The following MAGI3 variants were observed in gnomAD, a reference collection of about 807,000 sequenced individuals.
The protein encoded by MAGI3 is membrane associated guanylate kinase, WW and PDZ domain containing 3, also known as membrane-associated guanylate kinase, WW and PDZ domain-containing protein 3.
MAGI3 carries 43 observed loss-of-function variants against 121.8 expected under a neutral mutation model. That is an observed-to-expected ratio of 0.35 (90% CI 0.28 to 0.46). MAGI3 has a LOEUF of 0.46. MAGI3 is among the 20% of genes least tolerant of loss of function. MAGI3 has a pLI of 1.00. For missense variants in MAGI3, 1,547 were observed against 1,797.3 expected (o/e 0.86, Z 2.52); for synonymous variants, 553 against 639.3 (o/e 0.86, Z 2.04).
intron 10 of MAGI3, 117 bp from the exon 11 acceptor site, chr1:113,643,626 A>T: frequency 1.1e-6 from 1 of 892,872 alleles, no homozygotes; most frequent in Non-Finnish European, 1.9e-6. Context: ...AGGAGGTTAG[A>T]CACAGAATTT....
chr1:113,606,870 A>G (rs1341020342), intron 6 of MAGI3, among the ~76,000 whole-genome samples: 1 of 152,132 alleles, frequency 6.6e-6, no homozygotes, highest in Non-Finnish European at 1.5e-5. Context: ...TTATTATGCA[A>G]AAGTTTCAAC....
chr1:113,401,824 A>G (rs1651421809), intron 1 of MAGI3, among the ~76,000 whole-genome samples: 1 of 152,174 alleles, frequency 6.6e-6, no homozygotes, highest in African/African-American at 2.4e-5. Flanking sequence ...AGAATAACTC[A>G]TTGCATTTAA....
At chr1:113,629,753 TCTCTCTCTCCCTCC>T (rs1369610782) in intron 9 of MAGI3, among the ~76,000 whole-genome samples, 3 of 117,324 alleles carry the variant, frequency 2.6e-5, no homozygotes, top group African/African-American at 3.6e-5. Flanking sequence ...TCTCTCTCTC[TCTCTCTCTCCCTCC>T]CTCCCTCCCT....
chr1:113,516,166 T>G (rs1033474520), intron 1 of MAGI3, among the ~76,000 whole-genome samples: 3 of 151,882 alleles, frequency 2.0e-5, no homozygotes, highest in African/African-American at 7.2e-5. Context: ...GTACATAGAT[T>G]AATAGACACA....
intron 16 of MAGI3, among the ~76,000 whole-genome samples, chr1:113,661,765 T>C (rs143749559): frequency 0.019 from 2,911 of 152,314 alleles, 57 homozygotes; most frequent in Non-Finnish European, 0.028. Context: ...CTAGAAGATA[T>C]ATACTTAAAG....
chr1:113,408,814 C>T (rs1651822109), intron 1 of MAGI3, among the ~76,000 whole-genome samples: 1 of 152,092 alleles, frequency 6.6e-6, no homozygotes. Flanking sequence ...GTATTTGTTA[C>T]ACATCTTCAA....
intron 1 of MAGI3, among the ~76,000 whole-genome samples, chr1:113,530,542 C>T (rs1024602388): frequency 1.3e-5 from 2 of 151,976 alleles, no homozygotes; most frequent in East Asian, 3.9e-4. Flanking sequence ...ACACCAAGCC[C>T]CCATGACACG....
In MAGI3 at chr1:113,659,106, A is replaced by G; in HGVS notation, c.2656A>G (p.Ile886Val). 6.2e-6 allele frequency: 10 copies of G among 1,613,094 alleles called. No individual in the cohort carries two copies. Among genetic ancestry groups the G allele is most frequent in the Non-Finnish European group, 7.6e-6 (9 of 1,179,610 alleles). The change falls in exon 16 of 21, where the codon ATA becomes GTA. Residue 886 changes from isoleucine (I) to valine (V), a missense_variant. Physicochemically the swap from Ile to Val is conservative, Grantham distance 29. Coordinates refer to ENST00000307546, the MANE Select transcript of MAGI3 (RefSeq NM_001142782.2). The part of the protein sequence containing the change: ...GVIPHKIGRV[I>V]EGSPADRCGK... ...TATTCCTCATAAAATTGGCCGAGTCATAGAAGGAAGTCCGGCTGACCGCTG... is the reference window on the plus strand; with the variant it reads ...TATTCCTCATAAAATTGGCCGAGTCGTAGAAGGAAGTCCGGCTGACCGCTG...
chr1:113,678,113 G>GT (rs11447632), intron 19 of MAGI3, among the ~76,000 whole-genome samples: 36,832 of 147,262 alleles, frequency 0.25, 4,936 homozygotes, highest in South Asian at 0.4. Context: ...AGTTTTTGTT[G>GT]TTTTTTTTTT....
Position 113,622,817 on chromosome 1 carries a change from T to TCCATC in MAGI3, c.1184_1185insCATCC (p.His396IlefsTer20). ...TCATTTTGGCACAGATATGGAAAAATCACACTTCACAAGAGATCCATCCCA... is the reference window on the plus strand; with the variant it reads ...TCATTTTGGCACAGATATGGAAAAATCCATCCACACTTCACAAGAGATCCATCCCA... On this transcript the variant is annotated frameshift_variant, in exon 9 of 21. Coordinates refer to ENST00000307546, the MANE Select transcript of MAGI3 (RefSeq NM_001142782.2). LOFTEE classifies it high-confidence loss of function. The TCCATC allele has an allele frequency of 6.4e-7, 1 of 1,570,226 alleles. No individual in the cohort carries two copies. Among genetic ancestry groups the TCCATC allele is most frequent in the East Asian group, 2.4e-5 (1 of 42,548 alleles).
intron 1 of MAGI3, among the ~76,000 whole-genome samples, chr1:113,518,527 A>T (rs1658035482): frequency 6.6e-6 from 1 of 152,034 alleles, no homozygotes; most frequent in Admixed American, 6.6e-5. Flanking sequence ...TTTAATGTAG[A>T]TGTTTGATTA....
At chr1:113,530,560 A>G (rs997918378) in intron 1 of MAGI3, among the ~76,000 whole-genome samples, 10 of 152,002 alleles carry the variant, frequency 6.6e-5, no homozygotes, top group Non-Finnish European at 1.3e-4. Context: ...ACGCACTTAT[A>G]TAACAATACT....
chr1:113,640,192 G>A lies in MAGI3; in HGVS notation c.1361-1719G>A, dbSNP rs554239358. ...AAATGACAGTGAGATATCATCTTAC[G>A]CCAGTCAGAATGGTGATTATTAAAA... is the stretch of plus-strand genomic sequence containing the variant. On this transcript the variant is annotated intron_variant, in intron 9 of 20. Coordinates refer to ENST00000307546, the MANE Select transcript of MAGI3 (RefSeq NM_001142782.2). Among the ~76,000 whole-genome samples the A allele has an allele frequency of 3.6e-3, 539 of 150,846 alleles. 1 individual carries two copies. The highest frequency in any genetic ancestry group is 6.0e-3 in the Non-Finnish European group (403 of 67,448).
chr1:113,513,671 A>T (rs1657733875), intron 1 of MAGI3, among the ~76,000 whole-genome samples: 1 of 152,154 alleles, frequency 6.6e-6, no homozygotes, highest in Admixed American at 6.5e-5. Flanking sequence ...AACCATAAAA[A>T]CCCTAGAAGA....
intron 1 of MAGI3, among the ~76,000 whole-genome samples, chr1:113,536,144 G>GTT (rs34587648): frequency 2.7e-5 from 4 of 145,494 alleles, no homozygotes; most frequent in Admixed American, 6.7e-5. Context: ...GAAGACATGT[G>GTT]TTTTTTTTTT....
At chr1:113,572,167 A>G (rs1647332567) in intron 2 of MAGI3, among the ~76,000 whole-genome samples, 1 of 151,854 alleles carries the variant, frequency 6.6e-6, no homozygotes, top group Non-Finnish European at 1.5e-5. Context: ...GGTTTTTGTC[A>G]TTTGTTCTGT....
At chr1:113,565,255 G>T (rs1447137404) in intron 2 of MAGI3, among the ~76,000 whole-genome samples, 1 of 152,114 alleles carries the variant, frequency 6.6e-6, no homozygotes, top group Non-Finnish European at 1.5e-5. Flanking sequence ...ATTTTGCACT[G>T]ACATTCATCA....
At chr1:113,514,050 A>C (rs929259917) in intron 1 of MAGI3, among the ~76,000 whole-genome samples, 15 of 152,042 alleles carry the variant, frequency 9.9e-5, no homozygotes, top group Non-Finnish European at 1.8e-4. Context: ...GCCATCAGAG[A>C]AATGCAAATC....
At chr1:113,428,962 A>G (rs1347801790) in intron 1 of MAGI3, among the ~76,000 whole-genome samples, 2 of 152,232 alleles carry the variant, frequency 1.3e-5, no homozygotes, top group African/African-American at 4.8e-5. Flanking sequence ...CACTAGCTAC[A>G]TTTTAGGTGC....
Sources: gnomAD v4.1 joint callset for allele counts (sites outside exome capture counted in the v4.1 genomes callset) on GRCh38, gnomAD v4.1.1 for gene constraint, MANE v1.5 for transcripts, NCBI Gene and HGNC (gene_info 2026-07-23, HGNC 2026-07-21) for gene names.